MALRD1: variants seen among roughly 807,000 people sequenced by gnomAD.
The protein encoded by MALRD1 is MAM and LDL-receptor class A domain-containing protein 1.
In MALRD1, 247 loss-of-function variants were observed where a neutral mutation model predicts 242.1. That is an observed-to-expected ratio of 1.02 (90% CI 0.92 to 1.13). The LOEUF is 1.13. MALRD1 is among the 50% of genes most tolerant of loss of function. The probability of loss-of-function intolerance (pLI) is 0.00; values close to 1 mark genes in which losing one functional copy is unlikely to be tolerated. For missense variants in MALRD1, 2,989 were observed against 2,533.1 expected, an observed-to-expected ratio of 1.18 and a Z score of -3.86; for synonymous variants, 995 against 866.6, an observed-to-expected ratio of 1.15 and a Z score of -2.60.
chr10:19,714,884 C>T (rs965958792), intron 38 of MALRD1, among the ~76,000 whole-genome samples: 12 of 152,124 alleles, frequency 7.9e-5, no homozygotes, highest in Admixed American at 2.6e-4. Context: ...ATCACCCCTA[C>T]CCTGAGATTC....
intron 2 of MALRD1, among the ~76,000 whole-genome samples, chr10:19,082,723 C>G (rs1274812934): frequency 6.6e-6 from 1 of 151,802 alleles, no homozygotes; most frequent in African/African-American, 2.4e-5. Flanking sequence ...GCTCACTCTC[C>G]CAAAAACTCC....
intron 18 of MALRD1, among the ~76,000 whole-genome samples, chr10:19,225,536 A>G (rs1298473084): frequency 6.6e-6 from 1 of 150,732 alleles, no homozygotes; most frequent in Non-Finnish European, 1.5e-5. Flanking sequence ...TGTCATTACC[A>G]ATATTGCTAT....
intron 31 of MALRD1, among the ~76,000 whole-genome samples, chr10:19,530,418 A>ATTGATATAAATATTTAT (rs1200557957): frequency 1.2e-5 from 1 of 83,770 alleles, no homozygotes; most frequent in Non-Finnish European, 2.1e-5. Context: ...TTTATATAAT[A>ATTGATATAAATATTTAT]ATAAATATAT....
intron 29 of MALRD1, among the ~76,000 whole-genome samples, chr10:19,465,601 G>A (rs920766908): frequency 6.6e-6 from 1 of 152,080 alleles, no homozygotes; most frequent in African/African-American, 2.4e-5. Context: ...CACGATCACA[G>A]CTCACTGCAG....
At chr10:19,467,876 C>G (rs982209999) in intron 29 of MALRD1, among the ~76,000 whole-genome samples, 2 of 151,926 alleles carry the variant, frequency 1.3e-5, no homozygotes, top group African/African-American at 2.4e-5. Context: ...TCACTGCAAC[C>G]TCTGCCTCTT....
At chr10:19,703,095 G>C (rs987260127) in intron 38 of MALRD1, among the ~76,000 whole-genome samples, 2 of 151,868 alleles carry the variant, frequency 1.3e-5, no homozygotes, top group African/African-American at 4.8e-5. Flanking sequence ...TTGATTACAG[G>C]GGAAAAAAAG....
chr10:19,403,493 C>T (rs960631058), intron 28 of MALRD1, among the ~76,000 whole-genome samples: 7 of 152,066 alleles, frequency 4.6e-5, no homozygotes, highest in African/African-American at 1.4e-4. Context: ...TTTATGCTAA[C>T]GTGTTGGTGA....
intron 36 of MALRD1, among the ~76,000 whole-genome samples, chr10:19,619,109 G>A (rs1467560201): frequency 6.6e-6 from 1 of 151,966 alleles, no homozygotes; most frequent in Admixed American, 6.6e-5. Flanking sequence ...CGAATTTCAC[G>A]TGTTCTAAAA....
At chr10:19,080,262 G>T (rs1230436958) in intron 2 of MALRD1, among the ~76,000 whole-genome samples, 1 of 151,644 alleles carries the variant, frequency 6.6e-6, no homozygotes, top group Non-Finnish European at 1.5e-5. Flanking sequence ...AAATTGGAAG[G>T]AACTATTTTA....
rs778674889 is a variant in MALRD1 at position 19,543,433 on chromosome 10, C to CTATTTTTTT, written c.5478+12083_5478+12084insATTTTTTTT. On this transcript the variant is annotated intron_variant, in intron 32 of 39. Coordinates refer to ENST00000454679, the MANE Select transcript of MALRD1 (RefSeq NM_001142308.3). ...TGTAAAAATCATGCCCAGCTGATTT[C>CTATTTTTTT]TTTTTTTTTTTTTTTTTTGAGAGAG... is the stretch of plus-strand genomic sequence containing the variant. 4.3e-4 allele frequency among the ~76,000 whole-genome samples: 46 copies of CTATTTTTTT among 106,430 alleles called. 1 individual carries two copies. The highest frequency in any genetic ancestry group is 1.5e-3 in the African/African-American group (44 of 29,328). 69.8% of individuals were successfully genotyped at this position (106,430 alleles called of 152,430 possible). A position where few individuals can be genotyped will look rare whatever the true frequency, so the allele number is the denominator to read the frequency against.
At chr10:19,469,332 C>G (rs977973758) in intron 29 of MALRD1, among the ~76,000 whole-genome samples, 2 of 152,056 alleles carry the variant, frequency 1.3e-5, no homozygotes, top group Admixed American at 6.6e-5. Context: ...AAGTCACTAC[C>G]ATGTCTTTTA....
chr10:19,191,069 G>A (rs554508196), intron 14 of MALRD1, among the ~76,000 whole-genome samples: 1 of 152,262 alleles, frequency 6.6e-6, no homozygotes, highest in Admixed American at 6.5e-5. Context: ...ATAAGGGATT[G>A]ATATCCACAA....
intron 29 of MALRD1, among the ~76,000 whole-genome samples, chr10:19,479,691 A>C (rs1009058404): frequency 2.2e-4 from 33 of 152,160 alleles, no homozygotes; most frequent in Non-Finnish European, 4.6e-4. Context: ...AATAGATCCC[A>C]AAAAAACATA....
intron 14 of MALRD1, among the ~76,000 whole-genome samples, chr10:19,191,601 T>C (rs980367464): frequency 1.3e-5 from 2 of 152,218 alleles, no homozygotes; most frequent in Non-Finnish European, 2.9e-5. Flanking sequence ...AATTATTCAT[T>C]GACTGATGAG....
intron 1 of MALRD1, among the ~76,000 whole-genome samples, chr10:19,065,696 T>G (rs1411234234): frequency 6.6e-6 from 1 of 152,204 alleles, no homozygotes; most frequent in Admixed American, 6.5e-5. Flanking sequence ...GGGTAGGTAT[T>G]GTGAACAACC....
intron 13 of MALRD1, among the ~76,000 whole-genome samples, chr10:19,171,711 CGTAT>C (rs1834970633): frequency 3.0e-5 from 4 of 134,000 alleles, no homozygotes; most frequent in Non-Finnish European, 3.2e-5. Context: ...TGTATATATA[CGTAT>C]ATACACGTAT....
chr10:19,661,800 T>G (rs1841453646), intron 36 of MALRD1, among the ~76,000 whole-genome samples: 1 of 152,072 alleles, frequency 6.6e-6, no homozygotes, highest in Non-Finnish European at 1.5e-5. Context: ...AAAAAAAGAA[T>G]TTTTGTTTGG....
chr10:19,609,448 A>G (rs1285348594), intron 35 of MALRD1, among the ~76,000 whole-genome samples: 9 of 152,072 alleles, frequency 5.9e-5, no homozygotes, highest in Non-Finnish European at 1.3e-4. Context: ...AGATTTGTCA[A>G]TGTACATTAC....
intron 28 of MALRD1, among the ~76,000 whole-genome samples, chr10:19,398,956 G>T (rs1846706290): frequency 6.6e-6 from 1 of 152,240 alleles, no homozygotes; most frequent in Non-Finnish European, 1.5e-5. Context: ...GCCAGGTAGA[G>T]TCAGCAACTT....
Sources: allele counts gnomAD v4.1 joint callset (sites outside exome capture counted in the v4.1 genomes callset), GRCh38; gene constraint gnomAD v4.1.1; transcripts MANE v1.5; gene names NCBI Gene and HGNC (gene_info 2026-07-23, HGNC 2026-07-21).